The following GPR137 variants were observed in gnomAD, a reference collection of about 807,000 sequenced individuals.
The protein encoded by GPR137 is G protein-coupled receptor 137, also known as integral membrane protein GPR137.
A neutral mutation model predicts 38.9 loss-of-function variants in GPR137; 20 were observed. The ratio of observed to expected loss-of-function variants is 0.51; its 90% CI spans 0.36 to 0.75. The LOEUF is 0.75. GPR137 is among the 30% of genes least tolerant of loss of function. The probability of loss-of-function intolerance (pLI) is 0.00; values close to 1 mark genes in which losing one functional copy is unlikely to be tolerated. For synonymous variants in GPR137, 226 were observed against 235.8 expected (o/e 0.96, Z 0.38); for missense variants, 456 against 526.4 (o/e 0.87, Z 1.31).
chr11:64,270,941 T>G (rs1317980515), upstream of GPR137, among the ~76,000 whole-genome samples: 1 of 67,510 alleles, frequency 1.5e-5, no homozygotes, highest in Non-Finnish European at 2.9e-5. Flanking sequence ...ACGCCTGGAG[T>G]GGGATCTAGA....
upstream of GPR137, among the ~76,000 whole-genome samples, chr11:64,280,317 G>A (rs1259332496): frequency 8.3e-6 from 1 of 121,202 alleles, no homozygotes; most frequent in African/African-American, 2.9e-5. Flanking sequence ...AAGACTCCAT[G>A]TCAAAAATAA....
chr11:64,284,270 G>T, upstream of GPR137: 1 of 1,611,482 alleles, frequency 6.2e-7, no homozygotes, highest in Non-Finnish European at 8.5e-7. Context: ...GCTTGCCGGA[G>T]CCTGAGGGCC....
chr11:64,278,637 T>C lies in GPR137; in HGVS notation c.-16+2216T>C, dbSNP rs917392499. ...CCTGCTAGGAAGGGTAGAGCCACGT[T>C]TGAACCCTGCAGTCTGGCCCAGGGG... On this transcript the variant is annotated intron_variant, in intron 2 of 2. Transcript: ENST00000538244. Among the ~76,000 whole-genome samples the C allele has an allele frequency of 3.9e-5, 6 of 152,146 alleles. No individual in the cohort carries two copies. In the South Asian group the frequency reaches 6.2e-4, roughly 16 times the overall value.
upstream of GPR137, chr11:64,284,264 G>GCCGGAGCCTGAGGGC: frequency 6.2e-7 from 1 of 1,611,330 alleles, no homozygotes; most frequent in Non-Finnish European, 8.5e-7. Flanking sequence ...GATGATGCTT[G>GCCGGAGCCTGAGGGC]CCGGAGCCTG....
chr11:64,276,103 C>G (rs548081524), intron 1 of GPR137, among the ~76,000 whole-genome samples: 1 of 152,220 alleles, frequency 6.6e-6, no homozygotes, highest in Admixed American at 6.5e-5. Context: ...GAGGCCTAGG[C>G]TGGGGAAGGC....
At chr11:64,281,117 A>G (rs747170923), upstream of GPR137, among the ~76,000 whole-genome samples, 73 of 152,110 alleles carry the variant, frequency 4.8e-4, no homozygotes, top group Admixed American at 2.6e-4. Flanking sequence ...ACAGGCGCCC[A>G]CCACCACGCC....
intron 2 of GPR137, chr11:64,276,704 G>A: frequency 1.8e-6 from 1 of 544,538 alleles, no homozygotes; most frequent in East Asian, 3.2e-5. Context: ...CTGGGGGAAG[G>A]AGAGGGCTGG....
chr11:64,272,009 T>G (rs184366145), upstream of GPR137: 247 of 410,152 alleles, frequency 6.0e-4, no homozygotes, highest in African/African-American at 4.6e-3. Context: ...GGTTAACTTC[T>G]CATTAATCCC....
chr11:64,270,553 G>C (rs942102886), exon 1 of GPR137: 1 of 725,418 alleles, frequency 1.4e-6, no homozygotes. Context: ...CTCCGTGCCG[G>C]AGACGGGAAG....
At chr11:64,284,758 A>C (rs1214847843), upstream of GPR137, 1 of 1,534,910 alleles carries the variant, frequency 6.5e-7, no homozygotes, top group South Asian at 1.2e-5. Context: ...TCGGAACGTC[A>C]CTCGGGTAGG....
upstream of GPR137, chr11:64,271,694 C>G: frequency 2.7e-6 from 4 of 1,470,168 alleles, no homozygotes; most frequent in Non-Finnish European, 3.6e-6. Flanking sequence ...TGGGGGGCGC[C>G]GAGCGCGAGC....
rs757569049 is a variant in GPR137, at chr11:64,287,872, G to A, written c.559G>A (p.Ala187Thr). 6.9e-6 allele frequency: 11 copies of A among 1,604,188 alleles called. No homozygotes were observed. The highest frequency in any genetic ancestry group is 2.2e-5 in the East Asian group (1 of 44,858). The change falls in exon 3 of 7, where the codon GCG becomes ACG. Residue 187 changes from alanine (A) to threonine (T), a missense_variant. Ala to Thr is a moderately conservative substitution (Grantham distance 58). Transcript: ENST00000438980. ...GAGCGACTCCCTGTTCGTCATCTGC[G>A]CGCTGTCTCTTGCTGCCTGCCTCTG... is the stretch of plus-strand genomic sequence containing the variant. ...LVSDSLFVIC[A>T]LSLAACLCLV... is the part of the protein sequence containing the mutation.
In GPR137 at chr11:64,286,273, T is replaced by A. The variant is rs1166149356; in HGVS notation, c.-252T>A. The A allele has an allele frequency of 2.2e-6, 3 of 1,336,720 alleles. No homozygotes were observed. The highest frequency in any genetic ancestry group is 2.9e-6 in the Non-Finnish European group (3 of 1,046,224). The allele number at this position is 1,336,720 out of a possible 1,614,324, so 82.8% of individuals were successfully genotyped here. ...GGAGACACCCCCAACCCCTATCCGG[T>A]CTGTCCTGGAGAAAAGAGACTGCCC... On this transcript the variant is annotated 5_prime_UTR_variant, in exon 1 of 7. Coordinates refer to ENST00000438980, the MANE Select transcript of GPR137 (RefSeq NM_001170880.2).
At chr11:64,270,900 GAC>G (rs71045754), upstream of GPR137, among the ~76,000 whole-genome samples, 6,580 of 87,610 alleles carry the variant, frequency 0.075, 735 homozygotes, top group African/African-American at 0.21. Flanking sequence ...TGCCCTGTGA[GAC>G]ACACACACAC....
Position 64,289,178 on chromosome 11 carries a change from C to T in GPR137, c.1173C>T (p.Tyr391=), listed in dbSNP as rs765010882. Residue 391 remains tyrosine, a synonymous_variant, in exon 7 of 7, where the codon TAC becomes TAT. Transcript: ENST00000438980. The part of the protein sequence containing the change: ...PGPGGHHHSL[Y]STPQT ...CAGGCGGCCACCACCACAGTCTCTACTCCACCCCACAGACGTGATCCCCCT... is the reference window on the plus strand; with the variant it reads ...CAGGCGGCCACCACCACAGTCTCTATTCCACCCCACAGACGTGATCCCCCT... 6.2e-6 allele frequency: 10 copies of T among 1,613,594 alleles called. No individual in the cohort carries two copies. The South Asian group carries it at 7.7e-5, about 12-fold the overall frequency.
chr11:64,270,647 G>C (rs1449236996), exon 1 of GPR137: 2 of 612,360 alleles, frequency 3.3e-6, no homozygotes, highest in South Asian at 3.0e-5. Flanking sequence ...GAGAATCAAA[G>C]GGCCGGGAGC....
At position 64,287,916 on chromosome 11, in the gene GPR137, G is replaced by C; in HGVS notation, c.603G>C (p.Ala201=). The C allele has an allele frequency of 6.2e-7, 1 of 1,601,732 alleles. No individual in the cohort carries two copies. Residue 201 remains alanine (A), a synonymous_variant, in exon 3 of 7, where the codon GCG becomes GCC. Coordinates refer to ENST00000438980, the MANE Select transcript of GPR137 (RefSeq NM_001170880.2). ...AACLCLVARR[A]PSTSIYLEAK... is the part of the protein sequence containing the mutation. ...GCCTCTGCCTCGTCGCCAGGCGGGC[G>C]CCCTCCACTAGCATCTACCTGGAGG...
At chr11:64,275,083 C>T (rs2032960367), upstream of GPR137, among the ~76,000 whole-genome samples, 1 of 150,734 alleles carries the variant, frequency 6.6e-6, no homozygotes, top group Non-Finnish European at 1.5e-5. Flanking sequence ...ATCAGAGTGC[C>T]TGGGCATTCT....
At chr11:64,285,006 G>C, upstream of GPR137, 1 of 1,265,250 alleles carries the variant, frequency 7.9e-7, no homozygotes, top group African/African-American at 1.5e-5. Flanking sequence ...CCAGTGAAGT[G>C]GGGATAGTGA....
Sources: gnomAD v4.1 joint callset for allele counts (sites outside exome capture counted in the v4.1 genomes callset) on GRCh38, gnomAD v4.1.1 for gene constraint, MANE v1.5 for transcripts, NCBI Gene and HGNC (gene_info 2026-07-23, HGNC 2026-07-21) for gene names.